Variants in HS3ST4 observed in about 807,000 individuals in gnomAD.
HS3ST4 encodes the protein heparan sulfate glucosamine 3-O-sulfotransferase 4.
In HS3ST4, 17 loss-of-function variants were observed where a neutral mutation model predicts 29.2. The observed-to-expected ratio is 0.58, with a 90% CI of 0.40 to 0.87. The LOEUF is 0.87. Ranked by LOEUF, HS3ST4 falls within the 40% of genes least tolerant of loss-of-function variation. The pLI, the probability that HS3ST4 is intolerant of heterozygous loss-of-function variation, is 0.00. For missense variants in HS3ST4, 627 were observed against 634.5 expected, an observed-to-expected ratio of 0.99 and a Z score of 0.13; for synonymous variants, 314 against 285.7, an observed-to-expected ratio of 1.10 and a Z score of -1.00.
chr16:25,900,845 G>A (rs1344880066), intron 1 of HS3ST4, among the ~76,000 whole-genome samples: 1 of 152,026 alleles, frequency 6.6e-6, no homozygotes, highest in Non-Finnish European at 1.5e-5. Context: ...ACTATACCCT[G>A]CAAAATAAAG....
At chr16:25,793,287 TAGA>T (rs1567241015) in intron 1 of HS3ST4, among the ~76,000 whole-genome samples, 1 of 151,978 alleles carries the variant, frequency 6.6e-6, no homozygotes, top group Non-Finnish European at 1.5e-5. Context: ...ATATTTCAAT[TAGA>T]TAAACATCGT....
intron 1 of HS3ST4, among the ~76,000 whole-genome samples, chr16:25,956,177 A>T (rs1290344401): frequency 6.6e-6 from 1 of 152,194 alleles, no homozygotes; most frequent in Non-Finnish European, 1.5e-5. Flanking sequence ...AAATTTAGAG[A>T]TGCATCCTCT....
intron 1 of HS3ST4, among the ~76,000 whole-genome samples, chr16:25,936,052 A>C (rs372295945): frequency 5.4e-4 from 83 of 152,318 alleles, no homozygotes; most frequent in African/African-American, 2.0e-3. Flanking sequence ...GATTACAGGC[A>C]TGAGCCACCA....
chr16:26,059,466 G>C (rs1241581684), intron 1 of HS3ST4, among the ~76,000 whole-genome samples: 2 of 152,140 alleles, frequency 1.3e-5, no homozygotes, highest in Non-Finnish European at 2.9e-5. Flanking sequence ...GGCGGAGAGG[G>C]TCCTTTAGCT....
chr16:25,974,973 T>C (rs949491113), intron 1 of HS3ST4, among the ~76,000 whole-genome samples: 2 of 152,150 alleles, frequency 1.3e-5, no homozygotes, highest in African/African-American at 4.8e-5. Context: ...TCTCAGTAAA[T>C]AGCTAATCCA....
intron 1 of HS3ST4, among the ~76,000 whole-genome samples, chr16:25,752,582 C>T (rs1430761809): frequency 6.6e-6 from 1 of 152,224 alleles, no homozygotes; most frequent in African/African-American, 2.4e-5. Context: ...AATCCTCAAT[C>T]ATTCTTACAG....
At chr16:25,853,662 A>C (rs1323641155) in intron 1 of HS3ST4, among the ~76,000 whole-genome samples, 3 of 152,194 alleles carry the variant, frequency 2.0e-5, no homozygotes, top group Non-Finnish European at 2.9e-5. Flanking sequence ...TTTTGTTAAT[A>C]TGATGTATCA....
In HS3ST4 at chr16:25,692,851, C is replaced by T. The variant is rs771205801; in HGVS notation, c.434C>T (p.Ala145Val). Residue 145 changes from alanine to valine, a missense_variant, in exon 1 of 2, where the codon GCC becomes GTC. Transcript: ENST00000331351. The stretch of plus-strand genomic sequence containing the variant: ...GACGCCTGGCTCCGGACCCCGCTGG[C>T]CCCCAGCGAGATGATCACGGCTCAG... ...AQDAWLRTPLAPSEMITAQSA... is the reference protein window; with the variant it reads ...AQDAWLRTPLVPSEMITAQSA... 3.3e-5 allele frequency: 49 copies of T among 1,467,740 alleles called. No individual in the cohort carries two copies. Among genetic ancestry groups the T allele is most frequent in the Middle Eastern group, 4.4e-4 (2 of 4,518 alleles). 90.9% of individuals were successfully genotyped at this position (1,467,740 alleles called of 1,614,324 possible).
intron 1 of HS3ST4, among the ~76,000 whole-genome samples, chr16:25,838,671 G>T (rs1967384839): frequency 6.6e-6 from 1 of 152,042 alleles, no homozygotes; most frequent in South Asian, 2.1e-4. Context: ...TCTTTTCCTA[G>T]ACCCGCCCAC....
At chr16:26,010,202 C>T (rs1969297806) in intron 1 of HS3ST4, among the ~76,000 whole-genome samples, 1 of 152,046 alleles carries the variant, frequency 6.6e-6, no homozygotes, top group Non-Finnish European at 1.5e-5. Flanking sequence ...GCCTGTAATC[C>T]CAGCACTATG....
intron 1 of HS3ST4, among the ~76,000 whole-genome samples, chr16:26,123,218 A>G (rs1333702076): frequency 6.6e-6 from 1 of 152,186 alleles, no homozygotes; most frequent in Non-Finnish European, 1.5e-5. Context: ...CTTTTCTTAT[A>G]AATAAATAAG....
At chr16:26,072,779 G>A (rs1158534019) in intron 1 of HS3ST4, among the ~76,000 whole-genome samples, 1 of 152,106 alleles carries the variant, frequency 6.6e-6, no homozygotes, top group Non-Finnish European at 1.5e-5. Context: ...ACTTTTCCAT[G>A]AAAACAAGAC....
At chr16:26,095,408 C>T (rs1033379284) in intron 1 of HS3ST4, among the ~76,000 whole-genome samples, 3 of 152,306 alleles carry the variant, frequency 2.0e-5, no homozygotes, top group African/African-American at 7.2e-5. Flanking sequence ...GAAATCACAA[C>T]AAACTGTCTC....
chr16:25,953,436 A>T (rs1333222995), intron 1 of HS3ST4, among the ~76,000 whole-genome samples: 1 of 152,166 alleles, frequency 6.6e-6, no homozygotes, highest in African/African-American at 2.4e-5. Context: ...GACCATTCAG[A>T]ATAAGAACTA....
At position 25,970,583 on chromosome 16, in the gene HS3ST4, C is replaced by G. The variant is rs139280378; in HGVS notation, c.735-165029C>G. 1.4e-3 allele frequency among the ~76,000 whole-genome samples: 212 copies of G among 152,078 alleles called. 2 individuals carry two copies. The highest frequency in any genetic ancestry group is 4.9e-3 in the African/African-American group (202 of 41,508). ...GGTATGCAGTGATGTGATTATAACT[C>G]ACTGTAGCCTCAACCCCCTGGACTC... On this transcript the variant is annotated intron_variant, in intron 1 of 1. Transcript: ENST00000331351.
intron 1 of HS3ST4, among the ~76,000 whole-genome samples, chr16:25,851,763 A>C (rs1434201910): frequency 1.3e-5 from 2 of 152,186 alleles, no homozygotes; most frequent in Non-Finnish European, 1.5e-5. Flanking sequence ...TAGACATAGC[A>C]AACAACCGAG....
intron 1 of HS3ST4, among the ~76,000 whole-genome samples, chr16:26,092,456 A>AGGCTCT (rs1361939721): frequency 1.3e-5 from 2 of 152,134 alleles, no homozygotes; most frequent in Admixed American, 6.5e-5. Context: ...GGCAGGTGAG[A>AGGCTCT]GGCTCTGGCT....
intron 1 of HS3ST4, among the ~76,000 whole-genome samples, chr16:26,052,613 C>T (rs1217064791): frequency 3.3e-5 from 5 of 152,150 alleles, no homozygotes; most frequent in South Asian, 2.1e-4. Flanking sequence ...TCTAGTGATC[C>T]GCCTGCCTCA....
At chr16:26,094,952 A>AACG (rs1567311032) in intron 1 of HS3ST4, among the ~76,000 whole-genome samples, 4 of 144,012 alleles carry the variant, frequency 2.8e-5, no homozygotes, top group Non-Finnish European at 6.2e-5. Flanking sequence ...AAAAAAAAGC[A>AACG]GGGGTTGCAA....
Sources: allele counts gnomAD v4.1 joint callset (sites outside exome capture counted in the v4.1 genomes callset), GRCh38; gene constraint gnomAD v4.1.1; transcripts MANE v1.5; gene names NCBI Gene and HGNC (gene_info 2026-07-23, HGNC 2026-07-21).